Variants in LRP1B observed in about 807,000 individuals in gnomAD.
LRP1B encodes the protein low-density lipoprotein receptor-related protein 1B.
In LRP1B, 217 loss-of-function variants were observed where a neutral mutation model predicts 556.6. The ratio of observed to expected loss-of-function variants is 0.39; its 90% CI spans 0.35 to 0.44. LRP1B has a LOEUF of 0.44. LRP1B is among the 20% of genes least tolerant of loss of function. The pLI, the probability that LRP1B is intolerant of heterozygous loss-of-function variation, is 1.00. For missense variants in LRP1B, 5,053 were observed against 5,620.8 expected, an observed-to-expected ratio of 0.90 and a Z score of 3.23; for synonymous variants, 2,047 against 1,865.8, an observed-to-expected ratio of 1.10 and a Z score of -2.50.
chr2:141,994,099 G>T (rs1291900405), intron 1 of LRP1B, among the ~76,000 whole-genome samples: 1 of 152,092 alleles, frequency 6.6e-6, no homozygotes, highest in Non-Finnish European at 1.5e-5. Flanking sequence ...ACCCTGAGTG[G>T]CAGTCTTTGA....
intron 3 of LRP1B, among the ~76,000 whole-genome samples, chr2:141,315,074 C>T (rs987781913): frequency 7.4e-4 from 111 of 150,358 alleles, no homozygotes; most frequent in African/African-American, 2.6e-3. Flanking sequence ...GGGACTATTA[C>T]GGTACTCTCA....
At chr2:142,002,640 A>G (rs1702688257) in intron 1 of LRP1B, among the ~76,000 whole-genome samples, 1 of 151,918 alleles carries the variant, frequency 6.6e-6, no homozygotes, top group Non-Finnish European at 1.5e-5. Flanking sequence ...TCAGACAGGT[A>G]CTCACTGAAA....
intron 43 of LRP1B, among the ~76,000 whole-genome samples, chr2:140,555,962 C>T (rs1427988636): frequency 4.6e-5 from 7 of 151,916 alleles, no homozygotes; most frequent in Admixed American, 2.0e-4. Context: ...TTGGCTGGCC[C>T]GATGCTTCTA....
rs781576057 is a variant in LRP1B, at chr2:140,350,813, G to C, written c.11876C>G (p.Ala3959Gly). The stretch of plus-strand genomic sequence containing the variant: ...TTTACTTACAATCAAGCCACTGTTT[G>C]CTTGCCTTTTTTCTCTGCCATGGAT... ...KRIHGREKRQ[A>G]NSGLICPEFK... The change falls in exon 77 of 91, where the codon GCA becomes GGA. Residue 3959 changes from alanine to glycine, a missense_variant. Coordinates refer to ENST00000389484, the MANE Select transcript of LRP1B (RefSeq NM_018557.3). 6.2e-7 allele frequency: 1 copy of C among 1,610,198 alleles called. No homozygotes were observed. Among genetic ancestry groups the C allele is most frequent in the South Asian group, 1.1e-5 (1 of 90,634 alleles).
At chr2:141,840,323 G>A (rs547553411) in intron 1 of LRP1B, among the ~76,000 whole-genome samples, 2 of 144,122 alleles carry the variant, frequency 1.4e-5, no homozygotes, top group African/African-American at 5.2e-5. Flanking sequence ...GAGTGCAGTG[G>A]CGCCATCTCG....
chr2:141,863,543 C>T (rs977869096), intron 1 of LRP1B, among the ~76,000 whole-genome samples: 1 of 152,046 alleles, frequency 6.6e-6, no homozygotes, highest in Admixed American at 6.5e-5. Context: ...TTATAGCTTC[C>T]AATAGACTAG....
rs895186139 is a variant in LRP1B at position 140,371,097 on chromosome 2, C to G, written c.10875+82G>C. 8.2e-6 allele frequency: 8 copies of G among 972,772 alleles called. No homozygotes were observed. The African/African-American group carries it at 1.3e-4, about 16-fold the overall frequency. The allele number at this position is 972,772 out of a possible 1,614,324, so 60.3% of individuals were successfully genotyped here. A position where few individuals can be genotyped will look rare whatever the true frequency, so the allele number is the denominator to read the frequency against. On this transcript the variant is annotated intron_variant, in intron 70 of 90. Coordinates refer to ENST00000389484, the MANE Select transcript of LRP1B (RefSeq NM_018557.3). ...TTAAACCATGCTAAGAATCAAGATT[C>G]TTTCTCTTTATTTTCATTACATTTG...
intron 29 of LRP1B, among the ~76,000 whole-genome samples, chr2:140,849,084 T>C (rs1692360113): frequency 6.6e-6 from 1 of 151,108 alleles, no homozygotes; most frequent in South Asian, 2.1e-4. Context: ...AGGCCGGGCA[T>C]GGTGGCTCAC....
chr2:140,801,058 G>C (rs905892276), intron 32 of LRP1B, among the ~76,000 whole-genome samples: 1 of 152,070 alleles, frequency 6.6e-6, no homozygotes, highest in East Asian at 1.9e-4. Context: ...GTGTTTGTGT[G>C]TGTGGCCATT....
chr2:140,642,616 C>T (rs138037458), intron 41 of LRP1B, among the ~76,000 whole-genome samples: 5 of 152,086 alleles, frequency 3.3e-5, no homozygotes, highest in East Asian at 1.9e-4. Context: ...CCGAGATGGG[C>T]GGATCACGAA....
At chr2:141,184,124 A>C (rs1048684479) in intron 7 of LRP1B, among the ~76,000 whole-genome samples, 1 of 152,084 alleles carries the variant, frequency 6.6e-6, no homozygotes, top group African/African-American at 2.4e-5. Flanking sequence ...AAGCAGTGTC[A>C]TGTTCAAAAA....
chr2:140,449,248 T>C (rs565008354), intron 63 of LRP1B, among the ~76,000 whole-genome samples: 9 of 152,198 alleles, frequency 5.9e-5, no homozygotes, highest in African/African-American at 1.9e-4. Context: ...GAATTACAAA[T>C]GTAAGTTGCA....
intron 1 of LRP1B, among the ~76,000 whole-genome samples, chr2:141,818,783 G>A (rs1213257754): frequency 4.0e-5 from 6 of 150,842 alleles, no homozygotes; most frequent in Admixed American, 6.6e-5. Context: ...TGATCTGCCC[G>A]CCTTGGCCTC....
chr2:140,887,475 A>T (rs1174097092), intron 23 of LRP1B, among the ~76,000 whole-genome samples: 1 of 152,130 alleles, frequency 6.6e-6, no homozygotes. Context: ...CTCCACTCAT[A>T]TTCAAACTTA....
At chr2:140,576,742 A>G (rs1018029350) in intron 43 of LRP1B, among the ~76,000 whole-genome samples, 1 of 152,146 alleles carries the variant, frequency 6.6e-6, no homozygotes, top group African/African-American at 2.4e-5. Flanking sequence ...AGTAGTCTAC[A>G]CCTGCGGGGA....
intron 2 of LRP1B, among the ~76,000 whole-genome samples, chr2:141,517,731 T>C (rs1684376623): frequency 6.6e-6 from 1 of 152,178 alleles, no homozygotes; most frequent in African/African-American, 2.4e-5. Context: ...GGAATCGTGA[T>C]CACAAGGAAC....
intron 7 of LRP1B, among the ~76,000 whole-genome samples, chr2:141,096,679 A>AGAGAGAGGGAGAGAGAGAGAGAGAGG (rs1240881553): frequency 1.1e-5 from 1 of 88,452 alleles, no homozygotes. Context: ...AGAGAGAGAG[A>AGAGAGAGGGAGAGAGAGAGAGAGAGG]GAGAGAGAGA....
chr2:141,069,222 G>A (rs56252496), intron 7 of LRP1B, among the ~76,000 whole-genome samples: 2,552 of 151,964 alleles, frequency 0.017, 32 homozygotes, highest in Middle Eastern at 0.027. Context: ...AAGCAAATTC[G>A]CTTTTTAGGC....
rs186489117 is a variant in LRP1B, at chr2:140,367,325, T to C, written c.11009-2542A>G. On this transcript the variant is annotated intron_variant, in intron 71 of 90. Transcript: ENST00000389484. ...TTAGACCAAGAATTTGTAGTGATAT[T>C]GATCTGAATAATAGTACAATTGTCT... Among the ~76,000 whole-genome samples, 9 of 151,888 alleles carry C rather than the reference T, an allele frequency of 5.9e-5. No individual in the cohort carries two copies. In the East Asian group the frequency reaches 1.8e-3, roughly 30 times the overall value.
Sources: gnomAD v4.1 joint callset for allele counts (sites outside exome capture counted in the v4.1 genomes callset) on GRCh38, gnomAD v4.1.1 for gene constraint, MANE v1.5 for transcripts, NCBI Gene and HGNC (gene_info 2026-07-23, HGNC 2026-07-21) for gene names.